FAM171B: variants seen among roughly 807,000 people sequenced by gnomAD.
The protein encoded by FAM171B is family with sequence similarity 171 member B.
A neutral mutation model predicts 75.6 loss-of-function variants in FAM171B; 19 were observed. The observed-to-expected ratio is 0.25, with a 90% CI of 0.18 to 0.37. The LOEUF (loss-of-function observed/expected upper bound fraction) is 0.37. FAM171B is among the 10% of genes least tolerant of loss of function. The pLI, the probability that FAM171B is intolerant of heterozygous loss-of-function variation, is 1.00. For synonymous variants in FAM171B, 367 were observed against 361.7 expected (o/e 1.01, Z -0.17); for missense variants, 848 against 982.4 (o/e 0.86, Z 1.83).
intron 1 of FAM171B, among the ~76,000 whole-genome samples, chr2:186,710,611 C>A (rs1574098339): frequency 6.6e-6 from 1 of 152,146 alleles, no homozygotes; most frequent in Non-Finnish European, 1.5e-5. Flanking sequence ...GATGATTACA[C>A]TGTTAGGGCT....
chr2:186,714,050 C>T (rs1689842875), intron 1 of FAM171B, among the ~76,000 whole-genome samples: 1 of 152,058 alleles, frequency 6.6e-6, no homozygotes, highest in Non-Finnish European at 1.5e-5. Context: ...TTTTCCTTTG[C>T]TAGCCTTGGC....
At chr2:186,700,805 C>T (rs1275563533) in intron 1 of FAM171B, among the ~76,000 whole-genome samples, 2 of 151,980 alleles carry the variant, frequency 1.3e-5, no homozygotes, top group East Asian at 3.9e-4. Flanking sequence ...GTTTTTGTTC[C>T]CCAATATTCT....
intron 1 of FAM171B, among the ~76,000 whole-genome samples, chr2:186,705,940 G>A (rs955635813): frequency 2.6e-5 from 4 of 152,092 alleles, no homozygotes; most frequent in African/African-American, 7.2e-5. Flanking sequence ...TGTAATAAAC[G>A]GGTGGGATAC....
intron 1 of FAM171B, among the ~76,000 whole-genome samples, chr2:186,713,890 T>C (rs1267287760): frequency 1.3e-5 from 2 of 152,238 alleles, no homozygotes; most frequent in Non-Finnish European, 2.9e-5. Context: ...ACAGTTTTTA[T>C]TCTTCTGTTC....
intron 1 of FAM171B, among the ~76,000 whole-genome samples, chr2:186,734,389 G>C (rs182271212): frequency 1.2e-4 from 19 of 152,120 alleles, no homozygotes; most frequent in African/African-American, 4.3e-4. Flanking sequence ...GACTGGGGTG[G>C]GTAGCTTCTA....
intron 1 of FAM171B, among the ~76,000 whole-genome samples, chr2:186,696,112 A>C (rs1689574756): frequency 6.6e-6 from 1 of 152,132 alleles, no homozygotes; most frequent in Admixed American, 6.5e-5. Context: ...TATTCTGAAA[A>C]AGCTGATTGT....
chr2:186,760,969 T>C (rs1353002042), intron 6 of FAM171B, 144 bp from the exon 7 acceptor site: 1 of 779,508 alleles, frequency 1.3e-6, no homozygotes, highest in Non-Finnish European at 2.0e-6. Flanking sequence ...AAGGTTTACT[T>C]CACCCATAGG....
intron 3 of FAM171B, 90 bp from the exon 4 acceptor site, chr2:186,747,002 A>C: frequency 1.1e-6 from 1 of 920,954 alleles, no homozygotes; most frequent in South Asian, 2.1e-5. Context: ...AATAATTATA[A>C]TTGCTTCTTT....
Position 186,761,132 on chromosome 2 carries a change from T to G in FAM171B, c.1032T>G (p.Asp344Glu). The G allele has an allele frequency of 2.5e-6, 4 of 1,610,532 alleles. No individual in the cohort carries two copies. The highest frequency in any genetic ancestry group is 3.4e-6 in the Non-Finnish European group (4 of 1,178,414). ...PGTRGSGINEDSKDITAYHTV... is the reference protein window; with the variant it reads ...PGTRGSGINEESKDITAYHTV... The stretch of plus-strand genomic sequence containing the variant: ...ATGTAGGTTCAGGTATAAATGAAGA[T>G]TCCAAGGACATAACTGCCTACCACA... The change falls in exon 7 of 8, where the codon GAT becomes GAG. Residue 344 changes from aspartate (D) to glutamate (E), a missense_variant. Around this residue, in one of 3 missense-constraint regions of FAM171B, gnomAD observed 665 missense variants for 729.0 expected, o/e 0.91. Coordinates refer to ENST00000304698, the MANE Select transcript of FAM171B (RefSeq NM_177454.4).
In FAM171B at chr2:186,715,442, A is replaced by G. The variant is rs140459312; in HGVS notation, c.238+21031A>G. Among the ~76,000 whole-genome samples the G allele has an allele frequency of 2.9e-3, 442 of 152,230 alleles. 3 individuals carry two copies. Among genetic ancestry groups the G allele is most frequent in the African/African-American group, 9.7e-3 (405 of 41,540 alleles). The stretch of plus-strand genomic sequence containing the variant: ...GGTCTTGAACTCCTGGGCTCAAGCA[A>G]TCCTCAGGCCTCCCCCTCACAGAAT... On this transcript the variant is annotated intron_variant, in intron 1 of 7. Transcript: ENST00000304698.
intron 1 of FAM171B, among the ~76,000 whole-genome samples, chr2:186,704,554 T>G (rs1689708907): frequency 6.6e-6 from 1 of 152,154 alleles, no homozygotes; most frequent in Non-Finnish European, 1.5e-5. Context: ...AAATTTTTCA[T>G]TTTTCATTCC....
In FAM171B at chr2:186,761,548, G is replaced by A. The variant is rs1690615604; in HGVS notation, c.1206G>A (p.Gln402=). The A allele has an allele frequency of 1.2e-6, 2 of 1,608,114 alleles. No individual in the cohort carries two copies. The highest frequency in any genetic ancestry group is 4.5e-5 in the East Asian group (2 of 44,814). The change falls in exon 8 of 8, where the codon CAG becomes CAA. Residue 402 remains glutamine, a synonymous_variant. Transcript: ENST00000304698. ...ITKLEVLKRD[Q]TTSTTHINHI... is the part of the protein sequence containing the mutation. ...AACTTGAGGTCCTCAAGAGAGACCA[G>A]ACAACTTCAACAACACACATAAATC...
chr2:186,746,386 G>A (rs1690365171), intron 3 of FAM171B, among the ~76,000 whole-genome samples: 1 of 152,076 alleles, frequency 6.6e-6, no homozygotes, highest in Admixed American at 6.6e-5. Flanking sequence ...CTTTTCTGTT[G>A]CAAGTTACTG....
intron 1 of FAM171B, among the ~76,000 whole-genome samples, chr2:186,731,338 G>C (rs1690110146): frequency 6.6e-6 from 1 of 152,162 alleles, no homozygotes; most frequent in Non-Finnish European, 1.5e-5. Flanking sequence ...TGGAAGGAGA[G>C]GGACTAGGGA....
intron 1 of FAM171B, among the ~76,000 whole-genome samples, chr2:186,702,787 T>C (rs1423633709): frequency 6.6e-6 from 1 of 152,094 alleles, no homozygotes; most frequent in African/African-American, 2.4e-5. Context: ...TGTATTACTC[T>C]TCAAACCTTG....
In FAM171B at chr2:186,762,770, A is replaced by G; in HGVS notation, c.2428A>G (p.Lys810Glu). ...GRPPLAKRDS[K>E]TNIWKKREER... is the part of the protein sequence containing the mutation. ...ACCACCACTAGCCAAAAGAGATAGC[A>G]AGACTAACATCTGGAAGAAGCGAGA... Residue 810 changes from lysine (K) to glutamate (E), a missense_variant, in exon 8 of 8, where the codon AAG (lysine) becomes GAG (glutamate). This residue lies in a region of FAM171B where 136 missense variants were observed against 159.3 expected (regional missense o/e 0.85). Coordinates refer to ENST00000304698, the MANE Select transcript of FAM171B (RefSeq NM_177454.4). The surrounding 1 kb of genome is among the most constrained non-coding windows in gnomAD (Gnocchi z 4.0). The G allele has an allele frequency of 6.2e-7, 1 of 1,613,302 alleles. No homozygotes were observed.
At chr2:186,704,097 ACTTCT>A (rs1689702608) in intron 1 of FAM171B, among the ~76,000 whole-genome samples, 1 of 152,164 alleles carries the variant, frequency 6.6e-6, no homozygotes, top group African/African-American at 2.4e-5. Flanking sequence ...AAGACAAATA[ACTTCT>A]CTTCATAAAA....
chr2:186,721,890 G>GA lies in FAM171B; in HGVS notation c.239-18325dup, dbSNP rs879733444. 9.0e-3 allele frequency among the ~76,000 whole-genome samples: 1,197 copies of GA among 133,594 alleles called. 7 individuals carry two copies. Among genetic ancestry groups the GA allele is most frequent in the African/African-American group, 0.024 (870 of 36,440 alleles). 87.6% of individuals were successfully genotyped at this position (133,594 alleles called of 152,430 possible). A position where few individuals can be genotyped will look rare whatever the true frequency, so the allele number is the denominator to read the frequency against. ...TTGATGTCTAACTTAGTAGTCATTT[G>GA]AAAAAAAAAAAAACCATATTTGCTA... On this transcript the variant is annotated intron_variant, in intron 1 of 7. Transcript: ENST00000304698.
At chr2:186,713,272 C>T (rs188050992) in intron 1 of FAM171B, among the ~76,000 whole-genome samples, 1 of 152,288 alleles carries the variant, frequency 6.6e-6, no homozygotes, top group East Asian at 1.9e-4. Context: ...CATTCTAGGG[C>T]TGCATGGTTT....
Sources: allele counts gnomAD v4.1 joint callset (sites outside exome capture counted in the v4.1 genomes callset), GRCh38; gene constraint gnomAD v4.1.1; regional missense constraint gnomAD v4.1.1; non-coding constraint Gnocchi (gnomAD v3.1); transcripts MANE v1.5; gene names NCBI Gene and HGNC (gene_info 2026-07-23, HGNC 2026-07-21).